Variants in ARHGAP28 observed in about 807,000 individuals in gnomAD.
ARHGAP28 encodes rho GTPase-activating protein 28.
In ARHGAP28, 56 loss-of-function variants were observed where a neutral mutation model predicts 90.7. The ratio of observed to expected loss-of-function variants is 0.62; its 90% CI spans 0.50 to 0.77. The LOEUF is 0.77. Among genes scored for constraint, ARHGAP28 ranks in the 30% least tolerant of loss-of-function variants. The pLI is 0.00. For missense variants in ARHGAP28, 869 were observed against 900.9 expected (o/e 0.96, Z 0.45); for synonymous variants, 308 against 323.3 (o/e 0.95, Z 0.51).
At chr18:6,782,170 T>C (rs1383844266) in intron 1 of ARHGAP28, among the ~76,000 whole-genome samples, 1 of 152,046 alleles carries the variant, frequency 6.6e-6, no homozygotes, top group Non-Finnish European at 1.5e-5. Context: ...CCACTGCAAC[T>C]GATGAGGAGC....
intron 1 of ARHGAP28, among the ~76,000 whole-genome samples, chr18:6,782,561 G>C (rs186095830): frequency 9.1e-5 from 13 of 143,488 alleles, no homozygotes; most frequent in Non-Finnish European, 1.4e-4. Context: ...AGGATTACAG[G>C]CACCTGCCAT....
At chr18:6,883,768 G>A (rs1482880649) in intron 11 of ARHGAP28, among the ~76,000 whole-genome samples, 1 of 152,044 alleles carries the variant, frequency 6.6e-6, no homozygotes, top group Non-Finnish European at 1.5e-5. Flanking sequence ...TTTGTGTCTT[G>A]AAAGAAGAGA....
In ARHGAP28 at chr18:6,873,464, C is replaced by T. The variant is rs996101228; in HGVS notation, c.1010C>T (p.Ala337Val). 3.1e-6 allele frequency: 5 copies of T among 1,613,980 alleles called. No individual in the cohort carries two copies. The African/African-American group carries it at 6.7e-5, about 22-fold the overall frequency. ...FGLTEAGDLS[A>V]EDMKKIRHLS... The stretch of plus-strand genomic sequence containing the variant: ...TTAACTGAAGCAGGAGATCTGTCTG[C>T]TGAAGACATGAAGAAAATCCGCCAT... Residue 337 changes from alanine (A) to valine (V), a missense_variant, in exon 8 of 18, where the codon GCT becomes GTT. Ala to Val is a moderately conservative substitution (Grantham distance 64). Transcript: ENST00000383472.
chr18:6,766,929 T>A (rs1194271598), intron 1 of ARHGAP28, among the ~76,000 whole-genome samples: 2 of 152,192 alleles, frequency 1.3e-5, no homozygotes, highest in Non-Finnish European at 2.9e-5. Context: ...TCCTTTACTT[T>A]TCCTGTGCCT....
chr18:6,767,917 A>ATC (rs927612864), intron 1 of ARHGAP28, among the ~76,000 whole-genome samples: 1 of 151,982 alleles, frequency 6.6e-6, no homozygotes, highest in Non-Finnish European at 1.5e-5. Context: ...CCCAATCCCC[A>ATC]TCCTAGCACT....
chr18:6,902,552 A>G (rs968824315), intron 16 of ARHGAP28, among the ~76,000 whole-genome samples: 3 of 152,228 alleles, frequency 2.0e-5, no homozygotes, highest in South Asian at 4.1e-4. Context: ...AAATCTATGC[A>G]TACATCAGTG....
intron 4 of ARHGAP28, among the ~76,000 whole-genome samples, chr18:6,852,251 T>A (rs2143274495): frequency 6.6e-6 from 1 of 152,334 alleles, no homozygotes. Context: ...TACAGTCCAA[T>A]CTACAGTAAT....
chr18:6,841,267 C>G (rs2056825313), intron 3 of ARHGAP28, among the ~76,000 whole-genome samples: 1 of 142,806 alleles, frequency 7.0e-6, no homozygotes, highest in Non-Finnish European at 1.5e-5. Flanking sequence ...CTCCCTATCC[C>G]TTGGTCTCCC....
intron 1 of ARHGAP28, among the ~76,000 whole-genome samples, chr18:6,786,818 A>G (rs1035679209): frequency 1.3e-5 from 2 of 152,090 alleles, no homozygotes; most frequent in African/African-American, 2.4e-5. Context: ...TAAAATAGCA[A>G]ATTTTCTTTT....
chr18:6,791,772 T>C (rs2056407826), intron 1 of ARHGAP28: 1 of 152,190 alleles, frequency 6.6e-6, no homozygotes. Context: ...TGAGTCCTTA[T>C]TGTATGATTC....
chr18:6,758,707 C>G (rs536187359), intron 1 of ARHGAP28, among the ~76,000 whole-genome samples: 2 of 152,178 alleles, frequency 1.3e-5, no homozygotes, highest in Admixed American at 6.5e-5. Flanking sequence ...CTCCTAGCTG[C>G]TTGGTCTAGT....
rs1038798091 is a variant in ARHGAP28 at position 6,914,637 on chromosome 18, A to G, written c.*2483A>G. On this transcript the variant is annotated 3_prime_UTR_variant, in exon 18 of 18. Coordinates refer to ENST00000383472, the MANE Select transcript of ARHGAP28 (RefSeq NM_001366230.1). Reference sequence around the variant, plus strand: ...TTTAATAAATTCATAAAAAAGACTCATATCTTTGCAAACAAAAGAAGGGCA... The same window carrying G: ...TTTAATAAATTCATAAAAAAGACTCGTATCTTTGCAAACAAAAGAAGGGCA... 8 of 152,208 alleles carry G rather than the reference A, an allele frequency of 5.3e-5. No individual in the cohort carries two copies. The highest frequency in any genetic ancestry group is 1.9e-4 in the African/African-American group (8 of 41,462). 9.4% of individuals were successfully genotyped at this position (152,208 alleles called of 1,614,324 possible). A position where few individuals can be genotyped will look rare whatever the true frequency, so the allele number is the denominator to read the frequency against.
chr18:6,889,199 C>T (rs536038174), intron 12 of ARHGAP28, among the ~76,000 whole-genome samples: 2 of 152,098 alleles, frequency 1.3e-5, no homozygotes, highest in East Asian at 1.9e-4. Flanking sequence ...GGATTTCAGT[C>T]GTCTTGGTGA....
At chr18:6,844,815 T>C (rs1477355411) in intron 3 of ARHGAP28, among the ~76,000 whole-genome samples, 1 of 152,140 alleles carries the variant, frequency 6.6e-6, no homozygotes, top group Non-Finnish European at 1.5e-5. Context: ...TGCCCACTTA[T>C]ATGGAAACAG....
rs191809521 is a variant in ARHGAP28, at chr18:6,750,781, C to T, written c.122+20838C>T. 1.1e-3 allele frequency among the ~76,000 whole-genome samples: 168 copies of T among 152,312 alleles called. 1 individual carries two copies. The highest frequency in any genetic ancestry group is 2.0e-3 in the Non-Finnish European group (133 of 68,020). On this transcript the variant is annotated intron_variant, in intron 1 of 17. Transcript: ENST00000383472. ...TAATTACCCTTCTAAGGCTCTACCT[C>T]CAAATATCACCAACACATGAATTTG...
intron 1 of ARHGAP28, among the ~76,000 whole-genome samples, chr18:6,766,501 C>T (rs753199849): frequency 1.6e-4 from 24 of 152,144 alleles, no homozygotes; most frequent in Non-Finnish European, 2.9e-4. Flanking sequence ...AGTGGCTCTG[C>T]TCTCCCCAGG....
chr18:6,908,125 G>GTTTTATTTTA (rs55928161), intron 16 of ARHGAP28, among the ~76,000 whole-genome samples: 439 of 149,486 alleles, frequency 2.9e-3, no homozygotes, highest in Middle Eastern at 3.5e-3. Context: ...ATTTTATTTT[G>GTTTTATTTTA]TTTTATTTTA....
intron 1 of ARHGAP28, among the ~76,000 whole-genome samples, chr18:6,741,894 C>A (rs894821487): frequency 6.6e-6 from 1 of 152,132 alleles, no homozygotes; most frequent in South Asian, 2.1e-4. Context: ...TGCTTTTATT[C>A]TTTTCCAGGA....
intron 1 of ARHGAP28, among the ~76,000 whole-genome samples, chr18:6,809,532 A>G (rs964102317): frequency 5.9e-5 from 9 of 152,230 alleles, no homozygotes; most frequent in East Asian, 5.8e-4. Flanking sequence ...GAAACTTACA[A>G]TCAGGGCAGA....
Sources: allele counts gnomAD v4.1 joint callset (sites outside exome capture counted in the v4.1 genomes callset), GRCh38; gene constraint gnomAD v4.1.1; transcripts MANE v1.5; gene names NCBI Gene and HGNC (gene_info 2026-07-23, HGNC 2026-07-21).